The following SUMF1 variants were observed in gnomAD, a reference collection of about 807,000 sequenced individuals.
The protein encoded by SUMF1 is formylglycine-generating enzyme.
A neutral mutation model predicts 47.6 loss-of-function variants in SUMF1; 48 were observed. The ratio of observed to expected loss-of-function variants is 1.01; its 90% CI spans 0.80 to 1.28. The LOEUF is 1.28. Ranked by LOEUF, SUMF1 falls within the 50% of genes most tolerant of loss-of-function variation. SUMF1 has a pLI of 0.00. For synonymous variants in SUMF1, 230 were observed against 192.1 expected (o/e 1.20, Z -1.63); for missense variants, 571 against 485.4 (o/e 1.18, Z -1.66).
intron 1 of SUMF1, among the ~76,000 whole-genome samples, chr3:4,460,413 G>A (rs1018030122): frequency 2.6e-5 from 4 of 151,830 alleles, no homozygotes; most frequent in South Asian, 4.2e-4. Flanking sequence ...AATTCCTATC[G>A]CCTTTCAGAA....
At chr3:4,229,920 G>A (rs1160724826) in intron 8 of SUMF1, among the ~76,000 whole-genome samples, 1 of 152,052 alleles carries the variant, frequency 6.6e-6, no homozygotes, top group Non-Finnish European at 1.5e-5. Flanking sequence ...GGCTGAGGCG[G>A]GAGGATCCCT....
In SUMF1 at chr3:4,316,062, A is replaced by G. The variant is rs893934447; in HGVS notation, c.1014+60268T>C. On this transcript the variant is annotated intron_variant and NMD_transcript_variant, in intron 8 of 12. Coordinates refer to the SUMF1 transcript ENST00000448413. ...ACTCTGTCTCAAAAAAAAAAAAAAAAAAAAAAGTAACAGTTTTTGCATTGT... is the reference window on the plus strand; with the variant it reads ...ACTCTGTCTCAAAAAAAAAAAAAAAGAAAAAAGTAACAGTTTTTGCATTGT... The G allele has an allele frequency of 1.5e-5, 8 of 540,432 alleles. No homozygotes were observed. In the African/African-American group the frequency reaches 1.5e-4, roughly 10 times the overall value. The allele number at this position is 540,432 out of a possible 1,614,324, so 33.5% of individuals were successfully genotyped here. A position where few individuals can be genotyped will look rare whatever the true frequency, so the allele number is the denominator to read the frequency against.
rs149157125 is a variant in SUMF1 at position 4,269,999 on chromosome 3, A to G, written c.1014+106331T>C. 5.2e-3 allele frequency among the ~76,000 whole-genome samples: 788 copies of G among 152,298 alleles called. 4 individuals are homozygous for G. The highest frequency in any genetic ancestry group is 0.027 in the Middle Eastern group (8 of 294). ...GTGACTTATGTCCTAAGCTTTTTAC[A>G]GCTACCATCTCATTTAGTCCCCACA... On this transcript the variant is annotated intron_variant and NMD_transcript_variant, in intron 8 of 12. Transcript: ENST00000448413.
At chr3:4,451,398 G>C (rs1051431089) in intron 2 of SUMF1, among the ~76,000 whole-genome samples, 26 of 152,148 alleles carry the variant, frequency 1.7e-4, no homozygotes, top group African/African-American at 6.3e-4. Flanking sequence ...ATTGTGGCTC[G>C]AGGGTAGTAA....
In SUMF1 at chr3:4,081,806, T is replaced by A. The variant is rs142552289; in HGVS notation, c.1015-13061A>T. Among the ~76,000 whole-genome samples, 1,333 of 152,288 alleles carry A rather than the reference T, an allele frequency of 8.8e-3. 11 individuals carry two copies. Among genetic ancestry groups the A allele is most frequent in the South Asian group, 0.017 (83 of 4,828 alleles). ...CAACTAGGTGCAGCCACAAAAGTAT[T>A]TTGTAGATGTGTTTAACATCTACAA... On this transcript the variant is annotated intron_variant and NMD_transcript_variant, in intron 8 of 12. Coordinates refer to the SUMF1 transcript ENST00000448413.
At chr3:4,185,139 T>G (rs1361540240) in intron 8 of SUMF1, among the ~76,000 whole-genome samples, 1 of 152,212 alleles carries the variant, frequency 6.6e-6, no homozygotes, top group Non-Finnish European at 1.5e-5. Flanking sequence ...TCTTCTCATG[T>G]CTATGAATTT....
chr3:4,113,233 A>G (rs1282335459), intron 8 of SUMF1, among the ~76,000 whole-genome samples: 1 of 152,100 alleles, frequency 6.6e-6, no homozygotes, highest in East Asian at 1.9e-4. Context: ...AGCTACTTTG[A>G]AATATATATT....
At chr3:4,178,127 T>A (rs920203739) in intron 8 of SUMF1, among the ~76,000 whole-genome samples, 15 of 152,172 alleles carry the variant, frequency 9.9e-5, no homozygotes, top group African/African-American at 3.6e-4. Flanking sequence ...GAGGAGTTAG[T>A]ACCATTTCTT....
intron 8 of SUMF1, among the ~76,000 whole-genome samples, chr3:4,297,129 A>G (rs1002468222): frequency 5.3e-5 from 8 of 152,182 alleles, no homozygotes; most frequent in Admixed American, 1.3e-4. Context: ...TCCTAGATTG[A>G]AAAAGGTGTG....
chr3:4,135,046 C>T lies in SUMF1; in HGVS notation c.1015-66301G>A, dbSNP rs568262042. On this transcript the variant is annotated intron_variant and NMD_transcript_variant, in intron 8 of 12. Coordinates refer to the SUMF1 transcript ENST00000448413. ...ACAGCCGAATTCTACCAGAGGTACA[C>T]GGAGGAGCTGGTACCATGCCTTCTG... 1.6e-4 allele frequency among the ~76,000 whole-genome samples: 25 copies of T among 152,118 alleles called. 1 individual carries two copies. The highest frequency in any genetic ancestry group is 4.2e-4 in the South Asian group (2 of 4,818).
At chr3:4,436,863 AAT>A (rs34615658) in intron 3 of SUMF1, among the ~76,000 whole-genome samples, 37,896 of 134,790 alleles carry the variant, frequency 0.28, 5,730 homozygotes, top group Non-Finnish European at 0.36. Context: ...AAAAAAAAAA[AAT>A]ACAAAAAACA....
chr3:4,270,062 T>C (rs1697273019), intron 8 of SUMF1, among the ~76,000 whole-genome samples: 1 of 152,156 alleles, frequency 6.6e-6, no homozygotes, highest in Non-Finnish European at 1.5e-5. Flanking sequence ...TCACATTTTA[T>C]GTATAAGAAA....
At chr3:4,155,537 A>G (rs1016810397) in intron 8 of SUMF1, among the ~76,000 whole-genome samples, 2 of 151,394 alleles carry the variant, frequency 1.3e-5, no homozygotes, top group African/African-American at 4.9e-5. Flanking sequence ...AACCACATTC[A>G]TGGTGAGAAA....
At chr3:4,360,184 T>A (rs983276416), downstream of SUMF1, among the ~76,000 whole-genome samples, 2 of 150,662 alleles carry the variant, frequency 1.3e-5, no homozygotes, top group African/African-American at 2.4e-5. Context: ...CTACATTAAT[T>A]ATTTGCTACC....
At chr3:4,403,823 C>T (rs996544114) in intron 7 of SUMF1, among the ~76,000 whole-genome samples, 1 of 152,110 alleles carries the variant, frequency 6.6e-6, no homozygotes, top group Non-Finnish European at 1.5e-5. Context: ...AAGGAATTCC[C>T]ACAGGGGGAG....
chr3:4,178,635 C>T (rs564917885), intron 8 of SUMF1, among the ~76,000 whole-genome samples: 141 of 152,282 alleles, frequency 9.3e-4, no homozygotes, highest in Middle Eastern at 3.4e-3. Context: ...TGGCACAAGA[C>T]AGGGCTGCGC....
At chr3:4,141,991 T>C (rs1190266354) in intron 8 of SUMF1, among the ~76,000 whole-genome samples, 1 of 152,144 alleles carries the variant, frequency 6.6e-6, no homozygotes, top group African/African-American at 2.4e-5. Flanking sequence ...TGTGTTTCAT[T>C]ACAATCAGCA....
At chr3:4,227,917 T>C (rs1241402290) in intron 8 of SUMF1, among the ~76,000 whole-genome samples, 6 of 152,108 alleles carry the variant, frequency 3.9e-5, no homozygotes, top group Non-Finnish European at 8.8e-5. Flanking sequence ...TAATTTATAT[T>C]TGAGTGTGAT....
At chr3:4,282,127 GAA>G (rs1697541582) in intron 8 of SUMF1, among the ~76,000 whole-genome samples, 1 of 152,108 alleles carries the variant, frequency 6.6e-6, no homozygotes, top group Non-Finnish European at 1.5e-5. Flanking sequence ...TGTGTGGGTT[GAA>G]AAGACAGTTA....
Sources: allele counts gnomAD v4.1 joint callset (sites outside exome capture counted in the v4.1 genomes callset), GRCh38; gene constraint gnomAD v4.1.1; transcripts MANE v1.5; gene names NCBI Gene and HGNC (gene_info 2026-07-23, HGNC 2026-07-21).